Variants in NKAIN3 observed in about 807,000 individuals in gnomAD.
The protein encoded by NKAIN3 is sodium/potassium-transporting ATPase subunit beta-1-interacting protein 3.
NKAIN3 carries 25 observed loss-of-function variants against 30.2 expected under a neutral mutation model. The observed-to-expected ratio is 0.83, with a 90% CI of 0.60 to 1.16. The LOEUF is 1.16. Ranked by LOEUF, NKAIN3 falls within the 50% of genes most tolerant of loss-of-function variation. NKAIN3 has a pLI of 0.00. For missense variants in NKAIN3, 225 were observed against 254.1 expected, an observed-to-expected ratio of 0.89 and a Z score of 0.78; for synonymous variants, 91 against 89.6, an observed-to-expected ratio of 1.02 and a Z score of -0.09.
chr8:62,518,407 A>G (rs983674218), intron 1 of NKAIN3, among the ~76,000 whole-genome samples: 1 of 152,112 alleles, frequency 6.6e-6, no homozygotes, highest in East Asian at 1.9e-4. Flanking sequence ...CATTGAATTT[A>G]TGTCTGATTT....
intron 1 of NKAIN3, among the ~76,000 whole-genome samples, chr8:62,531,003 TA>T (rs1808471309): frequency 6.6e-6 from 1 of 152,120 alleles, no homozygotes; most frequent in South Asian, 2.1e-4. Flanking sequence ...CTGTTCACAT[TA>T]AAAAGCAACC....
intron 4 of NKAIN3, among the ~76,000 whole-genome samples, chr8:62,897,716 A>G (rs1821476251): frequency 6.6e-6 from 1 of 152,174 alleles, no homozygotes; most frequent in African/African-American, 2.4e-5. Context: ...TCCCTCATGA[A>G]TAGACTAATG....
At chr8:62,363,647 A>T (rs1816632793) in intron 1 of NKAIN3, among the ~76,000 whole-genome samples, 1 of 152,212 alleles carries the variant, frequency 6.6e-6, no homozygotes, top group African/African-American at 2.4e-5. Flanking sequence ...ATACAAAAAA[A>T]GTATGTTACA....
chr8:62,507,837 G>A (rs1402627577), intron 1 of NKAIN3, among the ~76,000 whole-genome samples: 1 of 152,192 alleles, frequency 6.6e-6, no homozygotes, highest in Non-Finnish European at 1.5e-5. Flanking sequence ...ACAGAGTAAG[G>A]GATGGCAGAA....
intron 4 of NKAIN3, among the ~76,000 whole-genome samples, chr8:62,915,891 A>T (rs1171721920): frequency 1.3e-5 from 2 of 152,254 alleles, no homozygotes; most frequent in Non-Finnish European, 2.9e-5. Flanking sequence ...TAAATGAGCA[A>T]AAAACCTCTG....
intron 4 of NKAIN3, among the ~76,000 whole-genome samples, chr8:62,847,754 C>T (rs183367099): frequency 6.6e-5 from 10 of 151,734 alleles, no homozygotes; most frequent in East Asian, 1.9e-4. Context: ...AAACTTTGCC[C>T]GTGCTTATGT....
At chr8:62,478,787 C>T (rs1009184108) in intron 1 of NKAIN3, among the ~76,000 whole-genome samples, 2 of 152,112 alleles carry the variant, frequency 1.3e-5, no homozygotes, top group South Asian at 2.1e-4. Flanking sequence ...GTTGCTGACC[C>T]GTATTTTTCT....
chr8:62,627,383 C>T (rs577011200), intron 3 of NKAIN3, among the ~76,000 whole-genome samples: 2 of 152,210 alleles, frequency 1.3e-5, no homozygotes, highest in South Asian at 2.1e-4. Context: ...TTATAAATTA[C>T]CCCAGAATCA....
chr8:62,840,426 A>C (rs79676993), intron 4 of NKAIN3, among the ~76,000 whole-genome samples: 18 of 13,478 alleles, frequency 1.3e-3, no homozygotes, highest in Non-Finnish European at 9.0e-4. Context: ...GAGGGTCACA[A>C]AAAAAAAAAA....
At chr8:62,812,142 G>A (rs1051362931) in intron 4 of NKAIN3, among the ~76,000 whole-genome samples, 2 of 151,660 alleles carry the variant, frequency 1.3e-5, no homozygotes, top group Non-Finnish European at 3.0e-5. Context: ...TAATCAATTG[G>A]GTATAGTTGT....
intron 4 of NKAIN3, among the ~76,000 whole-genome samples, chr8:62,822,127 T>C (rs1818866229): frequency 1.3e-5 from 2 of 152,148 alleles, no homozygotes; most frequent in African/African-American, 4.8e-5. Context: ...AAAATCTTTC[T>C]GTTATCAAAA....
intron 3 of NKAIN3, among the ~76,000 whole-genome samples, chr8:62,594,806 T>G (rs1810772258): frequency 6.6e-6 from 1 of 151,876 alleles, no homozygotes; most frequent in Non-Finnish European, 1.5e-5. Context: ...CCTCCCTTCC[T>G]TTCTTCCCTC....
chr8:62,507,937 T>G (rs892238133), intron 1 of NKAIN3, among the ~76,000 whole-genome samples: 1 of 152,230 alleles, frequency 6.6e-6, no homozygotes, highest in African/African-American at 2.4e-5. Context: ...TTGAAAGTTC[T>G]GTGTTTTAGT....
intron 1 of NKAIN3, among the ~76,000 whole-genome samples, chr8:62,377,171 G>T (rs1817113055): frequency 6.6e-6 from 1 of 151,972 alleles, no homozygotes; most frequent in African/African-American, 2.4e-5. Context: ...TTTCTGCTAT[G>T]AAAAAAATGT....
chr8:62,914,799 T>C (rs959293855), intron 4 of NKAIN3, among the ~76,000 whole-genome samples: 1 of 148,080 alleles, frequency 6.8e-6, no homozygotes, highest in Non-Finnish European at 1.5e-5. Flanking sequence ...TTTTTTTTGC[T>C]ATTATACTTT....
chr8:62,268,931 T>C (rs1428178910), intron 1 of NKAIN3, among the ~76,000 whole-genome samples: 1 of 152,194 alleles, frequency 6.6e-6, no homozygotes, highest in Non-Finnish European at 1.5e-5. Context: ...ATAAACTCTC[T>C]TAACATTTCT....
In NKAIN3 at chr8:62,971,877, CT is replaced by C. The variant is rs1823843088; in HGVS notation, c.*6473del. Among the ~76,000 whole-genome samples, 1 of 152,062 alleles carries C rather than the reference CT, an allele frequency of 6.6e-6. No homozygotes were observed. Among genetic ancestry groups the C allele is most frequent in the East Asian group, 1.9e-4 (1 of 5,192 alleles). ...GCCTCATCTTGTTTCCTTATCTTGTCTTTGTGGTTAGAAAGAAATGAAAATA... is the reference window on the plus strand; with the variant it reads ...GCCTCATCTTGTTTCCTTATCTTGTCTTGTGGTTAGAAAGAAATGAAAATA... On this transcript the variant is annotated 3_prime_UTR_variant, in exon 7 of 7. Coordinates refer to ENST00000623646, the MANE Select transcript of NKAIN3 (RefSeq NM_001304533.3).
At chr8:62,421,604 GTC>G (rs1220536954) in intron 1 of NKAIN3, among the ~76,000 whole-genome samples, 7 of 151,124 alleles carry the variant, frequency 4.6e-5, no homozygotes, top group Non-Finnish European at 7.4e-5. Context: ...TGCAATTGGA[GTC>G]TCTCTCTCTC....
intron 4 of NKAIN3, among the ~76,000 whole-genome samples, chr8:62,916,118 TA>T (rs57528230): frequency 0.15 from 22,449 of 152,160 alleles, 2,107 homozygotes; most frequent in African/African-American, 0.25. Flanking sequence ...CAAAAACCAA[TA>T]ATGTGTAAAA....
Sources: allele counts gnomAD v4.1 joint callset (sites outside exome capture counted in the v4.1 genomes callset), GRCh38; gene constraint gnomAD v4.1.1; transcripts MANE v1.5; gene names NCBI Gene and HGNC (gene_info 2026-07-23, HGNC 2026-07-21).